TCHP: variants seen among roughly 807,000 people sequenced by gnomAD.
The protein encoded by TCHP is trichoplein keratin filament-binding protein.
In TCHP, 81 loss-of-function variants were observed where a neutral mutation model predicts 88.7. The ratio of observed to expected loss-of-function variants is 0.91; its 90% CI spans 0.76 to 1.10. The LOEUF is 1.10. Among genes scored for constraint, TCHP ranks in the 50% least tolerant of loss-of-function variants. The pLI, the probability that TCHP is intolerant of heterozygous loss-of-function variation, is 0.00. For missense variants in TCHP, 641 were observed against 632.1 expected, an observed-to-expected ratio of 1.01 and a Z score of -0.15; for synonymous variants, 232 against 232.5, an observed-to-expected ratio of 1.00 and a Z score of 0.02.
the TCHP span, among the ~76,000 whole-genome samples, chr12:109,891,609 C>T: frequency 6.6e-6 from 1 of 151,564 alleles, no homozygotes; most frequent in Non-Finnish European, 1.5e-5. Flanking sequence ...CCATGTTGGC[C>T]AGGATGGTCT....
At chr12:109,911,631 A>AAAG (rs1302775239) in intron 9 of TCHP, among the ~76,000 whole-genome samples, 7 of 150,892 alleles carry the variant, frequency 4.6e-5, no homozygotes, top group South Asian at 2.1e-4. Flanking sequence ...AAAAAAAAAA[A>AAAG]AAGAAGAAGA....
At position 109,905,804 on chromosome 12, in the gene TCHP, G is replaced by A. The variant is rs1870093131; in HGVS notation, c.457-768G>A. The stretch of plus-strand genomic sequence containing the variant: ...GGAATCATCCAGAGCCGTTAAATCA[G>A]AAAAGTTTATTCAGAACATTCAAGT... On this transcript the variant is annotated intron_variant, in intron 4 of 12. Coordinates refer to ENST00000405876, the MANE Select transcript of TCHP (RefSeq NM_001143852.2). This position sits in a 1 kb window ranked among gnomAD's most constrained non-coding sequence, Gnocchi z 4.0. Among the ~76,000 whole-genome samples, 1 of 152,186 alleles carries A rather than the reference G, an allele frequency of 6.6e-6. No individual in the cohort carries two copies. The highest frequency in any genetic ancestry group is 2.4e-5 in the African/African-American group (1 of 41,440).
chr12:109,887,011 T>C, the TCHP span, among the ~76,000 whole-genome samples: 7 of 152,182 alleles, frequency 4.6e-5, no homozygotes, highest in African/African-American at 1.7e-4. Flanking sequence ...CCGGCCTAGA[T>C]GTGCTTATTG....
chr12:109,900,635 C>T (rs1045488390), intron 1 of TCHP: 4 of 152,216 alleles, frequency 2.6e-5, no homozygotes, highest in African/African-American at 9.7e-5. Flanking sequence ...GGGGAGCAGC[C>T]CACCTTGTGG....
rs147187889 is a variant in TCHP, at chr12:109,912,182, C to A, written c.1053-809C>A. ...AAAGACTAAACTAGTAGATTGAAAT[C>A]ATCAAATAATAAGTAGCATACATTG... On this transcript the variant is annotated intron_variant, in intron 9 of 12. Transcript: ENST00000405876. Among the ~76,000 whole-genome samples, 7 of 152,338 alleles carry A rather than the reference C, an allele frequency of 4.6e-5. No homozygotes were observed. The East Asian group carries it at 1.2e-3, about 25-fold the overall frequency.
At chr12:109,896,945 T>G (rs11068817), upstream of TCHP, among the ~76,000 whole-genome samples, 7,879 of 151,980 alleles carry the variant, frequency 0.052, 288 homozygotes, top group East Asian at 0.12. Context: ...GATATAGATA[T>G]ATAGATAGAT....
chr12:109,882,819 G>A, the TCHP span, among the ~76,000 whole-genome samples: 3 of 151,532 alleles, frequency 2.0e-5, no homozygotes, highest in Non-Finnish European at 4.4e-5. Context: ...ACCACGCCTG[G>A]CTAATTTTTT....
At chr12:109,902,834 C>G (rs960556603) in intron 1 of TCHP, among the ~76,000 whole-genome samples, 193 bp from the exon 2 acceptor site, 7 of 152,214 alleles carry the variant, frequency 4.6e-5, no homozygotes, top group African/African-American at 1.4e-4. Context: ...CTGGGCCCTA[C>G]TAAGTTTTTT....
At chr12:109,902,969 G>C in intron 1 of TCHP, 58 bp from the exon 2 acceptor site, 1 of 1,484,118 alleles carries the variant, frequency 6.7e-7, no homozygotes, top group Non-Finnish European at 9.1e-7. Flanking sequence ...ATGAGGCCAA[G>C]CTGGTGAGGG....
chr12:109,915,310 T>A, intron 11 of TCHP, 93 bp from the exon 12 acceptor site: 1 of 1,576,622 alleles, frequency 6.3e-7, no homozygotes, highest in Non-Finnish European at 8.7e-7. Context: ...TTCTCCAGTC[T>A]GGGTAGGGCC....
intron 9 of TCHP, among the ~76,000 whole-genome samples, chr12:109,912,378 G>A (rs1172377297): frequency 6.6e-6 from 1 of 152,176 alleles, no homozygotes; most frequent in Non-Finnish European, 1.5e-5. Flanking sequence ...TCAGGCACAG[G>A]CAGCGCCCTC....
chr12:109,893,355 G>A, the TCHP span, among the ~76,000 whole-genome samples: 1 of 150,460 alleles, frequency 6.6e-6, no homozygotes, highest in African/African-American at 2.5e-5. Flanking sequence ...ACTCCAGCCT[G>A]GGCAACAAGA....
chr12:109,908,835 G>C, intron 7 of TCHP, 36 bp from the exon 8 acceptor site: 2 of 1,611,048 alleles, frequency 1.2e-6, no homozygotes, highest in Non-Finnish European at 1.7e-6. Flanking sequence ...TTCTTTCTGA[G>C]ATACTGAAGG....
At chr12:109,906,706 T>A in intron 5 of TCHP, 66 bp downstream of exon 5, 1 of 1,382,024 alleles carries the variant, frequency 7.2e-7, no homozygotes, top group Non-Finnish European at 1.0e-6. Context: ...GTCTTTGCAT[T>A]CGTTTACCGT....
chr12:109,911,377 C>T (rs897923623), intron 9 of TCHP, 142 bp downstream of exon 9: 35 of 507,454 alleles, frequency 6.9e-5, no homozygotes, highest in Non-Finnish European at 5.9e-5. Flanking sequence ...TTTGAGAGGC[C>T]GAGGCAGGTG....
chr12:109,906,288 A>G (rs1870119197), intron 4 of TCHP, among the ~76,000 whole-genome samples: 1 of 152,216 alleles, frequency 6.6e-6, no homozygotes, highest in Non-Finnish European at 1.5e-5. Flanking sequence ...TTCAGCGTCC[A>G]GCCCAACCCT....
intron 8 of TCHP, among the ~76,000 whole-genome samples, chr12:109,909,428 T>C (rs1192749860): frequency 2.0e-5 from 3 of 152,256 alleles, no homozygotes; most frequent in Admixed American, 2.0e-4. Flanking sequence ...TTTCTAGATG[T>C]ATTTACATAC....
rs1008515287 is a variant in TCHP at position 109,915,247 on chromosome 12, C to A, written c.1321-156C>A. The A allele has an allele frequency of 3.1e-6, 3 of 968,096 alleles. No homozygotes were observed. In the African/African-American group the frequency reaches 4.8e-5, roughly 16 times the overall value. 60.0% of individuals were successfully genotyped at this position (968,096 alleles called of 1,614,324 possible). A position where few individuals can be genotyped will look rare whatever the true frequency, so the allele number is the denominator to read the frequency against. Reference sequence around the variant, plus strand: ...ACACCATGCATACAGCCTTTCAAGTCCCGCATGCTCCCTTCCGTTCCTTGG... The same window carrying A: ...ACACCATGCATACAGCCTTTCAAGTACCGCATGCTCCCTTCCGTTCCTTGG... On this transcript the variant is annotated intron_variant, in intron 11 of 12. Coordinates refer to ENST00000405876, the MANE Select transcript of TCHP (RefSeq NM_001143852.2).
intron 12 of TCHP, among the ~76,000 whole-genome samples, chr12:109,916,269 C>T (rs570295502): frequency 6.6e-6 from 1 of 152,330 alleles, no homozygotes; most frequent in Admixed American, 6.5e-5. Context: ...GCAGGTGCTG[C>T]GTTTGCCATA....
Sources: gnomAD v4.1 joint callset for allele counts (sites outside exome capture counted in the v4.1 genomes callset) on GRCh38, gnomAD v4.1.1 for gene constraint, Gnocchi (gnomAD v3.1) non-coding constraint, MANE v1.5 for transcripts, NCBI Gene and HGNC (gene_info 2026-07-23, HGNC 2026-07-21) for gene names.